The following SLC35D4 variants were observed in gnomAD, a reference collection of about 807,000 sequenced individuals.
The protein encoded by SLC35D4 is solute carrier family 35 member D4, also known as UDP-N-acetylglucosamine transporter SLC35D4.
the SLC35D4 span, among the ~76,000 whole-genome samples, chr18:23,360,509 A>G: frequency 6.6e-6 from 1 of 152,228 alleles, no homozygotes; most frequent in Non-Finnish European, 1.5e-5. Flanking sequence ...ATTGTGCTTC[A>G]TGAGCCAGAC....
chr18:23,320,990 C>T, the SLC35D4 span, among the ~76,000 whole-genome samples: 3 of 152,204 alleles, frequency 2.0e-5, no homozygotes, highest in African/African-American at 7.2e-5. Context: ...AACTAGACTT[C>T]CTCTGGGGCT....
the SLC35D4 span, among the ~76,000 whole-genome samples, chr18:23,254,534 C>T: frequency 6.6e-6 from 1 of 152,164 alleles, no homozygotes; most frequent in African/African-American, 2.4e-5. Context: ...TTACAGTTCC[C>T]AAGAGGAGTA....
At chr18:23,411,458 A>C in the SLC35D4 span, among the ~76,000 whole-genome samples, 1 of 149,926 alleles carries the variant, frequency 6.7e-6, no homozygotes, top group Non-Finnish European at 1.5e-5. Context: ...AGGATAAAGA[A>C]AGAAAGAAAA....
the SLC35D4 span, among the ~76,000 whole-genome samples, chr18:23,262,995 A>G: frequency 1.3e-5 from 2 of 151,970 alleles, no homozygotes; most frequent in African/African-American, 4.8e-5. Context: ...GCTTAGGAGG[A>G]CTCGATATTC....
chr18:23,256,633 G>A, the SLC35D4 span, among the ~76,000 whole-genome samples: 4 of 151,818 alleles, frequency 2.6e-5, no homozygotes, highest in Non-Finnish European at 2.9e-5. Context: ...GGCGCCCACC[G>A]CCACGCCCGG....
At chr18:23,246,772 ATCT>A in the SLC35D4 span, among the ~76,000 whole-genome samples, 1 of 151,648 alleles carries the variant, frequency 6.6e-6, no homozygotes, top group Admixed American at 6.6e-5. Flanking sequence ...GCTCACTTCA[ATCT>A]TCATCTCCCA....
the SLC35D4 span, among the ~76,000 whole-genome samples, chr18:23,429,432 C>T: frequency 6.6e-6 from 1 of 152,046 alleles, no homozygotes; most frequent in African/African-American, 2.4e-5. Context: ...TCTCAGCTCA[C>T]TCCAACCTCC....
chr18:23,412,053 C>T, the SLC35D4 span, among the ~76,000 whole-genome samples: 4 of 152,330 alleles, frequency 2.6e-5, no homozygotes, highest in East Asian at 7.7e-4. Context: ...GGCATGGTGG[C>T]TTACGCCTGT....
the SLC35D4 span, among the ~76,000 whole-genome samples, chr18:23,431,919 G>C: frequency 6.6e-6 from 1 of 152,146 alleles, no homozygotes; most frequent in Non-Finnish European, 1.5e-5. Flanking sequence ...AAAAAATGGA[G>C]TGGACTGGTG....
chr18:23,417,078 C>T, the SLC35D4 span, among the ~76,000 whole-genome samples: 2 of 151,960 alleles, frequency 1.3e-5, no homozygotes. Flanking sequence ...CCCATCTCTA[C>T]AGAAAATTAA....
chr18:23,317,313 G>A, the SLC35D4 span, among the ~76,000 whole-genome samples: 1 of 152,156 alleles, frequency 6.6e-6, no homozygotes, highest in South Asian at 2.1e-4. Flanking sequence ...TTATTGCTAT[G>A]TTCCTAGTTT....
the SLC35D4 span, among the ~76,000 whole-genome samples, chr18:23,266,916 G>A: frequency 6.6e-6 from 1 of 152,226 alleles, no homozygotes; most frequent in African/African-American, 2.4e-5. Flanking sequence ...AGTGACTCCT[G>A]GTTCGCTGAT....
chr18:23,351,321 C>T, the SLC35D4 span, among the ~76,000 whole-genome samples: 1 of 152,018 alleles, frequency 6.6e-6, no homozygotes, highest in African/African-American at 2.4e-5. Flanking sequence ...TCAGGAGGGT[C>T]GCTTGAGCCT....
At chr18:23,287,259 C>T in the SLC35D4 span, among the ~76,000 whole-genome samples, 2 of 152,156 alleles carry the variant, frequency 1.3e-5, no homozygotes, top group Non-Finnish European at 2.9e-5. Flanking sequence ...CTCCTATCCT[C>T]AATACCTCCC....
chr18:23,395,745 C>A, the SLC35D4 span, among the ~76,000 whole-genome samples: 1 of 152,188 alleles, frequency 6.6e-6, no homozygotes, highest in African/African-American at 2.4e-5. Flanking sequence ...GAGTCATGAG[C>A]CATCAAAGTC....
At chr18:23,261,500 G>A in the SLC35D4 span, among the ~76,000 whole-genome samples, 2 of 152,122 alleles carry the variant, frequency 1.3e-5, no homozygotes, top group African/African-American at 4.8e-5. Flanking sequence ...GTACACGCCT[G>A]TAGTCCCAGC....
At chr18:23,272,381 G>A in the SLC35D4 span, among the ~76,000 whole-genome samples, 1 of 152,090 alleles carries the variant, frequency 6.6e-6, no homozygotes, top group East Asian at 1.9e-4. Flanking sequence ...GGAGTTCAAG[G>A]CTGCAGTGAG....
chr18:23,257,052 C>T, the SLC35D4 span: 1 of 660,662 alleles, frequency 1.5e-6, no homozygotes, highest in Non-Finnish European at 2.5e-6. Context: ...CCTTCACAAC[C>T]AGGACCGAAG....
the SLC35D4 span, among the ~76,000 whole-genome samples, chr18:23,248,196 G>A: frequency 6.6e-6 from 1 of 151,984 alleles, no homozygotes; most frequent in Non-Finnish European, 1.5e-5. Flanking sequence ...GTGGCGCAGG[G>A]GCAGGGGCAG....
Sources: allele counts gnomAD v4.1 joint callset (sites outside exome capture counted in the v4.1 genomes callset), GRCh38; gene constraint gnomAD v4.1.1; transcripts MANE v1.5; gene names NCBI Gene and HGNC (gene_info 2026-07-23, HGNC 2026-07-21).